The following SOS2 variants were observed in gnomAD, a reference collection of about 807,000 sequenced individuals.
The protein encoded by SOS2 is SOS Ras/Rho guanine nucleotide exchange factor 2.
A neutral mutation model predicts 148.2 loss-of-function variants in SOS2; 65 were observed. That is an observed-to-expected ratio of 0.44 (90% CI 0.36 to 0.54). The LOEUF is 0.54. Among genes scored for constraint, SOS2 ranks in the 20% least tolerant of loss-of-function variants. The pLI is 0.00. For missense variants in SOS2, 1,341 were observed against 1,590.2 expected, an observed-to-expected ratio of 0.84 and a Z score of 2.67; for synonymous variants, 539 against 537.1, an observed-to-expected ratio of 1.00 and a Z score of -0.05.
At chr14:50,224,342 CACACACA>C (rs1229195701) in intron 1 of SOS2, among the ~76,000 whole-genome samples, 1 of 146,460 alleles carries the variant, frequency 6.8e-6, no homozygotes, top group Non-Finnish European at 1.5e-5. Context: ...CACACACACA[CACACACA>C]CACACACACA....
intron 1 of SOS2, among the ~76,000 whole-genome samples, chr14:50,207,957 T>C (rs941271887): frequency 6.7e-6 from 1 of 149,782 alleles, no homozygotes; most frequent in Non-Finnish European, 1.5e-5. Flanking sequence ...CCAATATATA[T>C]GTAAAAAAGC....
chr14:50,160,681 C>T (rs113836091), intron 9 of SOS2, among the ~76,000 whole-genome samples: 2,524 of 152,138 alleles, frequency 0.017, 71 homozygotes, highest in African/African-American at 0.058. Flanking sequence ...GCCACCGTGC[C>T]CAGCCAACAA....
In SOS2 at chr14:50,160,909, G is replaced by A. The variant is rs533299413; in HGVS notation, c.1196+573C>T. ...ACTCGAGTCCCAGCTACTCCAGAGG[G>A]TTGAGGCAGGAGGACTGCTTGAGCC... On this transcript the variant is annotated intron_variant, in intron 9 of 22. Transcript: ENST00000216373. 1.1e-3 allele frequency among the ~76,000 whole-genome samples: 173 copies of A among 152,306 alleles called. 1 individual carries two copies. Among genetic ancestry groups the A allele is most frequent in the African/African-American group, 4.0e-3 (167 of 41,576 alleles).
intron 1 of SOS2, among the ~76,000 whole-genome samples, chr14:50,218,525 CA>C (rs545458755): frequency 7.6e-5 from 11 of 143,918 alleles, no homozygotes; most frequent in African/African-American, 2.3e-4. Flanking sequence ...TCCATCCCCC[CA>C]AAAAAAAACA....
Position 50,138,140 on chromosome 14 carries a change from C to T in SOS2, c.2958+472G>A, listed in dbSNP as rs141297062. 7.5e-3 allele frequency among the ~76,000 whole-genome samples: 1,127 copies of T among 150,912 alleles called. 15 individuals are homozygous for T. Among genetic ancestry groups the T allele is most frequent in the African/African-American group, 0.026 (1,062 of 41,042 alleles). ...ACAGGCGTGAGCCACCATGCCCAGCCGATACTTATAGTTATTACTACTATT... is the reference window on the plus strand; with the variant it reads ...ACAGGCGTGAGCCACCATGCCCAGCTGATACTTATAGTTATTACTACTATT... On this transcript the variant is annotated intron_variant, in intron 18 of 22. Coordinates refer to ENST00000216373, the MANE Select transcript of SOS2 (RefSeq NM_006939.4).
chr14:50,185,911 CAG>C (rs1291330565), intron 5 of SOS2, among the ~76,000 whole-genome samples: 1 of 151,976 alleles, frequency 6.6e-6, no homozygotes, highest in Non-Finnish European at 1.5e-5. Context: ...AATGAGGAAA[CAG>C]AGGCATAGAG....
intron 12 of SOS2, among the ~76,000 whole-genome samples, chr14:50,155,694 T>C (rs1205917124): frequency 6.6e-6 from 1 of 152,192 alleles, no homozygotes; most frequent in Admixed American, 6.6e-5. Context: ...ACAGTCTATG[T>C]TATTTTTGTA....
At chr14:50,150,876 C>A (rs1289218644) in intron 13 of SOS2, among the ~76,000 whole-genome samples, 1 of 152,128 alleles carries the variant, frequency 6.6e-6, no homozygotes, top group African/African-American at 2.4e-5. Context: ...GTGCACACTA[C>A]CATGCTTGGC....
At chr14:50,216,836 T>C (rs887695872) in intron 1 of SOS2, among the ~76,000 whole-genome samples, 4 of 152,214 alleles carry the variant, frequency 2.6e-5, no homozygotes, top group African/African-American at 9.6e-5. Context: ...AATGAAGAGA[T>C]TAAACTATGA....
At chr14:50,221,666 G>A (rs1167301434) in intron 1 of SOS2, among the ~76,000 whole-genome samples, 1 of 152,074 alleles carries the variant, frequency 6.6e-6, no homozygotes. Flanking sequence ...TAAAAAGAAA[G>A]CATCTTTAAG....
intron 8 of SOS2, among the ~76,000 whole-genome samples, chr14:50,162,897 A>T (rs12881719): frequency 0.016 from 1,453 of 88,260 alleles, 51 homozygotes; most frequent in Non-Finnish European, 0.025. Flanking sequence ...CAATGTTTTG[A>T]TTTTTTTTTT....
At chr14:50,201,167 T>G in intron 2 of SOS2, 83 bp from the exon 3 acceptor site, 35 of 1,224,658 alleles carry the variant, frequency 2.9e-5, no homozygotes, top group Non-Finnish European at 3.8e-5. Context: ...ACTTGATCTC[T>G]ATTCTTAATG....
At chr14:50,194,225 C>A (rs909783845) in intron 4 of SOS2, among the ~76,000 whole-genome samples, 1 of 152,164 alleles carries the variant, frequency 6.6e-6, no homozygotes, top group Admixed American at 6.5e-5. Flanking sequence ...TGCTTTCATG[C>A]TACAAGAGCA....
chr14:50,151,938 G>T (rs1304091002), intron 13 of SOS2, among the ~76,000 whole-genome samples: 1 of 151,994 alleles, frequency 6.6e-6, no homozygotes, highest in Non-Finnish European at 1.5e-5. Context: ...TGCCCAGACT[G>T]GTCTCAAACT....
intron 7 of SOS2, among the ~76,000 whole-genome samples, chr14:50,178,665 TG>T (rs1885608311): frequency 8.4e-5 from 1 of 11,906 alleles, no homozygotes; most frequent in Non-Finnish European, 1.5e-4. Flanking sequence ...TGTGTGTGTG[TG>T]TGTGCATATA....
chr14:50,161,042 G>A (rs373461006), intron 9 of SOS2, among the ~76,000 whole-genome samples: 19 of 151,318 alleles, frequency 1.3e-4, no homozygotes, highest in East Asian at 3.9e-4. Context: ...TGGGCGCAGC[G>A]GCTCACACCT....
chr14:50,189,553 C>T (rs929446680), intron 4 of SOS2, among the ~76,000 whole-genome samples: 1 of 151,966 alleles, frequency 6.6e-6, no homozygotes, highest in African/African-American at 2.4e-5. Context: ...CATGGTAGTT[C>T]CTTGCCATAT....
At chr14:50,219,168 A>G (rs1392652441) in intron 1 of SOS2, among the ~76,000 whole-genome samples, 1 of 152,202 alleles carries the variant, frequency 6.6e-6, no homozygotes, top group African/African-American at 2.4e-5. Context: ...CTCTTTGGTA[A>G]TTACCAGCAA....
chr14:50,221,412 G>A (rs538589530), intron 1 of SOS2, among the ~76,000 whole-genome samples: 24 of 152,314 alleles, frequency 1.6e-4, no homozygotes, highest in African/African-American at 5.3e-4. Flanking sequence ...TGCACACAGT[G>A]AGTAAAGCAG....
Sources: allele counts gnomAD v4.1 joint callset (sites outside exome capture counted in the v4.1 genomes callset), GRCh38; gene constraint gnomAD v4.1.1; transcripts MANE v1.5; gene names NCBI Gene and HGNC (gene_info 2026-07-23, HGNC 2026-07-21).